Variants in GPM6A observed in about 807,000 individuals in gnomAD.
GPM6A encodes glycoprotein M6A, also known as neuronal membrane glycoprotein M6-a.
GPM6A carries 7 observed loss-of-function variants against 32.1 expected under a neutral mutation model. The observed-to-expected ratio is 0.22, with a 90% CI of 0.12 to 0.41. The LOEUF is 0.41. GPM6A is among the 10% of genes least tolerant of loss of function. The pLI is 1.00. For synonymous variants in GPM6A, 130 were observed against 123.4 expected (o/e 1.05, Z -0.35); for missense variants, 235 against 347.2 (o/e 0.68, Z 2.57).
At position 175,634,754 on chromosome 4, in the gene GPM6A, CA is replaced by C; in HGVS notation, c.*150del. ...TAAATTGGGAAATTTAAGTGCTAAACAACAAAGAATTGTACTCAGGTGATTC... is the reference window on the plus strand; with the variant it reads ...TAAATTGGGAAATTTAAGTGCTAAACACAAAGAATTGTACTCAGGTGATTC... On this transcript the variant is annotated 3_prime_UTR_variant, in exon 7 of 7. Transcript: ENST00000393658. 1.8e-6 allele frequency: 1 copy of C among 558,382 alleles called. No homozygotes were observed. The highest frequency in any genetic ancestry group is 3.1e-6 in the Non-Finnish European group (1 of 321,640). 34.6% of individuals were successfully genotyped at this position (558,382 alleles called of 1,614,324 possible).
intron 4 of GPM6A, among the ~76,000 whole-genome samples, chr4:175,642,365 A>G (rs1209529512): frequency 6.6e-6 from 1 of 152,042 alleles, no homozygotes; most frequent in African/African-American, 2.4e-5. Flanking sequence ...TCATTTCTCA[A>G]TTCATGTTTT....
intron 1 of GPM6A, among the ~76,000 whole-genome samples, chr4:175,822,338 T>TAAAC (rs1735300923): frequency 6.6e-6 from 1 of 152,164 alleles, no homozygotes; most frequent in African/African-American, 2.4e-5. Flanking sequence ...TATTTTTCTC[T>TAAAC]AAACATACAT....
At chr4:175,644,616 T>A (rs1260399328) in intron 4 of GPM6A, among the ~76,000 whole-genome samples, 1 of 152,030 alleles carries the variant, frequency 6.6e-6, no homozygotes, top group East Asian at 1.9e-4. Flanking sequence ...TTTGAAAACC[T>A]GATTATTTTG....
intron 1 of GPM6A, among the ~76,000 whole-genome samples, chr4:175,870,438 G>T (rs1007826318): frequency 1.3e-5 from 2 of 151,944 alleles, no homozygotes; most frequent in Non-Finnish European, 2.9e-5. Flanking sequence ...ATGTTATTAC[G>T]TACCTACTAT....
chr4:175,899,716 C>A (rs1737893255), intron 1 of GPM6A, among the ~76,000 whole-genome samples: 1 of 151,904 alleles, frequency 6.6e-6, no homozygotes, highest in Admixed American at 6.6e-5. Flanking sequence ...ATACAAAAAT[C>A]AAATCAAAAT....
intron 1 of GPM6A, among the ~76,000 whole-genome samples, chr4:175,713,284 C>A (rs984756064): frequency 6.6e-6 from 1 of 152,262 alleles, no homozygotes; most frequent in East Asian, 1.9e-4. Context: ...CTCACTGCAA[C>A]CTCTGCCTCC....
intron 1 of GPM6A, among the ~76,000 whole-genome samples, chr4:175,744,706 CA>C (rs1487129837): frequency 6.6e-6 from 1 of 152,114 alleles, no homozygotes; most frequent in Non-Finnish European, 1.5e-5. Context: ...GTTTGTCTCC[CA>C]TTCACTTTTC....
At chr4:175,665,689 G>A (rs948540044) in intron 3 of GPM6A, among the ~76,000 whole-genome samples, 4 of 151,432 alleles carry the variant, frequency 2.6e-5, no homozygotes, top group Admixed American at 6.6e-5. Context: ...GGCTGAAGCC[G>A]GAGAATCGTT....
chr4:175,989,183 A>T (rs1164468681), intron 1 of GPM6A, among the ~76,000 whole-genome samples: 10 of 151,870 alleles, frequency 6.6e-5, no homozygotes, highest in Non-Finnish European at 1.5e-4. Flanking sequence ...TATTAGCTTT[A>T]AAAAAAATTA....
intron 1 of GPM6A, among the ~76,000 whole-genome samples, chr4:175,834,536 C>T (rs1476785703): frequency 1.3e-5 from 2 of 152,094 alleles, no homozygotes; most frequent in Non-Finnish European, 2.9e-5. Flanking sequence ...TGTAAACTCA[C>T]ATTGCTTGAG....
intron 1 of GPM6A, among the ~76,000 whole-genome samples, chr4:175,957,986 G>A (rs139272743): frequency 0.067 from 10,139 of 152,148 alleles, 1,100 homozygotes; most frequent in African/African-American, 0.23. Context: ...TCCACTTCCC[G>A]GGTTCAAACA....
At position 175,711,409 on chromosome 4, in the gene GPM6A, A is replaced by AAT. The variant is rs36105210; in HGVS notation, c.38-9644_38-9643dup. 5.7e-3 allele frequency among the ~76,000 whole-genome samples: 305 copies of AAT among 53,150 alleles called. 4 individuals are homozygous for AAT. Among genetic ancestry groups the AAT allele is most frequent in the African/African-American group, 0.014 (161 of 11,914 alleles). 34.9% of individuals were successfully genotyped at this position (53,150 alleles called of 152,430 possible). A position where few individuals can be genotyped will look rare whatever the true frequency, so the allele number is the denominator to read the frequency against. On this transcript the variant is annotated intron_variant, in intron 1 of 6. Transcript: ENST00000393658. ...TTAAAAAGGGCACACTGGCACACCAAATATATATATATATATATATATATA... is the reference window on the plus strand; with the variant it reads ...TTAAAAAGGGCACACTGGCACACCAAATATATATATATATATATATATATATA...
intron 1 of GPM6A, among the ~76,000 whole-genome samples, chr4:175,878,699 C>T (rs2111452742): frequency 6.6e-6 from 1 of 152,206 alleles, no homozygotes; most frequent in South Asian, 2.1e-4. Flanking sequence ...CTGACATGCC[C>T]TGGGAGCATT....
chr4:175,660,125 T>G (rs1579352762), intron 3 of GPM6A, among the ~76,000 whole-genome samples: 1 of 151,874 alleles, frequency 6.6e-6, no homozygotes, highest in Non-Finnish European at 1.5e-5. Flanking sequence ...ATAGGCTGGG[T>G]GCGATGGTTC....
intron 1 of GPM6A, among the ~76,000 whole-genome samples, chr4:175,735,514 A>G (rs918197091): frequency 5.3e-5 from 8 of 152,156 alleles, no homozygotes; most frequent in Non-Finnish European, 1.0e-4. Context: ...AAAGTAGAAT[A>G]CAAATTATGA....
chr4:175,857,652 G>T (rs1222375672), intron 1 of GPM6A, among the ~76,000 whole-genome samples: 1 of 152,098 alleles, frequency 6.6e-6, no homozygotes, highest in Admixed American at 6.5e-5. Flanking sequence ...TTGAGGGAAT[G>T]CAATATCCAT....
At chr4:175,785,200 GAAAA>G (rs1734144788) in intron 1 of GPM6A, among the ~76,000 whole-genome samples, 1 of 152,152 alleles carries the variant, frequency 6.6e-6, no homozygotes, top group Non-Finnish European at 1.5e-5. Context: ...GCCATGCTAT[GAAAA>G]GTTCAAATTC....
chr4:175,731,032 T>A (rs1455165788), intron 1 of GPM6A, among the ~76,000 whole-genome samples: 1 of 152,186 alleles, frequency 6.6e-6, no homozygotes, highest in African/African-American at 2.4e-5. Context: ...AAAGGGAACT[T>A]AGTGGGTCTG....
intron 1 of GPM6A, among the ~76,000 whole-genome samples, chr4:175,785,122 A>G (rs56405661): frequency 0.23 from 34,257 of 152,046 alleles, 4,157 homozygotes; most frequent in Admixed American, 0.28. Context: ...ATCATAAGAA[A>G]CCTTGCGACT....
Sources: gnomAD v4.1 joint callset for allele counts (sites outside exome capture counted in the v4.1 genomes callset) on GRCh38, gnomAD v4.1.1 for gene constraint, MANE v1.5 for transcripts, NCBI Gene and HGNC (gene_info 2026-07-23, HGNC 2026-07-21) for gene names.